WRAP53: variants seen among roughly 807,000 people sequenced by gnomAD.
WRAP53 encodes telomerase Cajal body protein 1.
In WRAP53, 28 loss-of-function variants were observed where a neutral mutation model predicts 56.6. The observed-to-expected ratio is 0.50, with a 90% confidence interval of 0.37 to 0.68. The LOEUF (loss-of-function observed/expected upper bound fraction) is 0.68. WRAP53 is among the 30% of genes least tolerant of loss of function. The pLI, the probability that WRAP53 is intolerant of heterozygous loss-of-function variation, is 0.00. For missense variants in WRAP53, 671 were observed against 715.5 expected (o/e 0.94, Z 0.71); for synonymous variants, 283 against 283.4 (o/e 1.00, Z 0.01).
chr17:7,695,942 C>G (rs12939910), intron 4 of WRAP53, among the ~76,000 whole-genome samples: 25,338 of 152,100 alleles, frequency 0.17, 2,898 homozygotes, highest in African/African-American at 0.31. Context: ...TTTGTTGACT[C>G]TGCTTATTCT....
Position 7,690,922 on chromosome 17 carries a change from A to G in WRAP53, c.642+1221A>G, listed in dbSNP as rs374043912. On this transcript the variant is annotated intron_variant, in intron 4 of 10. Coordinates refer to ENST00000396463, the MANE Select transcript of WRAP53 (RefSeq NM_001143992.2). ...GTGAGACTCCATCTCAAAAAACAAC[A>G]AAACAGACTGGGCTCAGTGGCTCAC... 4.0e-5 allele frequency among the ~76,000 whole-genome samples: 6 copies of G among 149,486 alleles called. No individual in the cohort carries two copies. The East Asian group carries it at 1.2e-3, about 30-fold the overall frequency.
intron 4 of WRAP53, among the ~76,000 whole-genome samples, chr17:7,695,542 C>T (rs532688492): frequency 5.9e-5 from 9 of 152,204 alleles, no homozygotes; most frequent in East Asian, 5.8e-4. Flanking sequence ...AGGGTGGGGA[C>T]GGGGAATGTC....
At chr17:7,691,912 C>G (rs973916891) in intron 4 of WRAP53, among the ~76,000 whole-genome samples, 3 of 151,994 alleles carry the variant, frequency 2.0e-5, no homozygotes, top group Non-Finnish European at 4.4e-5. Flanking sequence ...TCTCAGCTCA[C>G]CGCAACCTCC....
rs930535703 is a variant in WRAP53, at chr17:7,699,506, A to T, written c.643-1235A>T. Reference sequence around the variant, plus strand: ...TATATATATATATATATATATTTATATATATATATATATATTTATATATAT... The same window carrying T: ...TATATATATATATATATATATTTATTTATATATATATATATTTATATATAT... On this transcript the variant is annotated intron_variant, in intron 4 of 10. Coordinates refer to ENST00000396463, the MANE Select transcript of WRAP53 (RefSeq NM_001143992.2). Among the ~76,000 whole-genome samples, 38 of 22,894 alleles carry T rather than the reference A, an allele frequency of 1.7e-3. 2 individuals carry two copies. Among genetic ancestry groups the T allele is most frequent in the South Asian group, 3.8e-3 (3 of 786 alleles). The allele number at this position is 22,894 out of a possible 152,430, so 15.0% of individuals were successfully genotyped here.
rs780635910 is a variant in WRAP53 at position 7,688,894 on chromosome 17, G to A, written c.246G>A (p.Glu82=). Residue 82 remains glutamate (E), a synonymous_variant, in exon 2 of 11, where the codon GAG becomes GAA. Transcript: ENST00000396463. ...PVSLSTPLET[E]FGSPSELSPR... is the part of the protein sequence containing the mutation. ...CTCTCTCCACTCCCCTGGAAACAGA[G>A]TTTGGTTCCCCTAGTGAGTTGAGTC... The A allele has an allele frequency of 1.5e-5, 24 of 1,614,086 alleles. No individual in the cohort carries two copies. In the South Asian group the frequency reaches 2.5e-4, roughly 17 times the overall value.
In WRAP53 at chr17:7,689,573, C is replaced by A. The variant is rs1214271848; in HGVS notation, c.531-17C>A. 6.2e-7 allele frequency: 1 copy of A among 1,611,250 alleles called. No homozygotes were observed. Among genetic ancestry groups the A allele is most frequent in the Admixed American group, 1.7e-5 (1 of 60,012 alleles). ...AGCATAGGTCTGGCCAGCTTTCTAA[C>A]TCTCCCCTGTTTCTAGGGCTCCTGA... On this transcript the variant is annotated splice_polypyrimidine_tract_variant and intron_variant, in intron 3 of 10. Transcript: ENST00000396463.
upstream of WRAP53, chr17:7,686,481 C>G (rs1170920011): frequency 6.6e-6 from 1 of 152,100 alleles, no homozygotes; most frequent in African/African-American, 2.4e-5. Context: ...AGGTTTGCAT[C>G]AAAACAAATA....
At chr17:7,700,100 G>A in intron 4 of WRAP53, among the ~76,000 whole-genome samples, 1 of 150,924 alleles carries the variant, frequency 6.6e-6, no homozygotes, top group African/African-American at 2.4e-5. Context: ...CTAGGGTGGA[G>A]TGCAGTGGTG....
Position 7,702,483 on chromosome 17 carries a change from G to C in WRAP53, c.1095G>C (p.Gly365=), listed in dbSNP as rs776674391. 64 of 1,613,612 alleles carry C rather than the reference G, an allele frequency of 4.0e-5. No individual in the cohort carries two copies. In the South Asian group the frequency reaches 5.4e-4, roughly 14 times the overall value. ...DDGSPLALLG[G]HQGGITHLCF... ...GCTCCCCTCTCGCCTTGCTGGGAGGGCACCAAGGGGGCATCACCCACCTCT... is the reference window on the plus strand; with the variant it reads ...GCTCCCCTCTCGCCTTGCTGGGAGGCCACCAAGGGGGCATCACCCACCTCT... Residue 365 remains glycine (G), a synonymous_variant, in exon 8 of 11, where the codon GGG becomes GGC. Transcript: ENST00000396463. The surrounding 1 kb of genome is among the most constrained non-coding windows in gnomAD (Gnocchi z 5.0).
At position 7,694,992 on chromosome 17, in the gene WRAP53, C is replaced by A. The variant is rs549837471; in HGVS notation, c.642+5291C>A. On this transcript the variant is annotated intron_variant, in intron 4 of 10. Transcript: ENST00000396463. ...TTTTGAGATGGAGTCTTGCTGTGTC[C>A]CCCAGGCTGGAGTGCAGTGGCGCGA... Among the ~76,000 whole-genome samples the A allele has an allele frequency of 4.6e-3, 704 of 151,530 alleles. 4 individuals carry two copies. Among genetic ancestry groups the A allele is most frequent in the Non-Finnish European group, 7.6e-3 (513 of 67,900 alleles).
rs774374559 is a variant in WRAP53, at chr17:7,688,945, T to C, written c.297T>C (p.Ser99=). The change falls in exon 2 of 11, where the codon TCT becomes TCC. Residue 99 remains serine, a synonymous_variant. Transcript: ENST00000396463. The part of the protein sequence containing the change: ...LSPRIEEQEL[S]ENTSLPAEEA... ...CTCGAATCGAGGAGCAAGAACTTTC[T>C]GAAAATACAAGCCTTCCTGCAGAAG... 11 of 1,614,046 alleles carry C rather than the reference T, an allele frequency of 6.8e-6. No individual in the cohort carries two copies. Among genetic ancestry groups the C allele is most frequent in the African/African-American group, 1.3e-5 (1 of 74,904 alleles).
At chr17:7,698,513 C>T (rs1045584644) in intron 4 of WRAP53, among the ~76,000 whole-genome samples, 11 of 152,064 alleles carry the variant, frequency 7.2e-5, no homozygotes, top group African/African-American at 2.7e-4. Flanking sequence ...GGCTGGATTG[C>T]TTGAGGCCAG....
chr17:7,699,510 A>ATT (rs1567577600), intron 4 of WRAP53, among the ~76,000 whole-genome samples: 5 of 26,272 alleles, frequency 1.9e-4, no homozygotes, highest in South Asian at 1.1e-3. Flanking sequence ...ATTTATATAT[A>ATT]TATATATATA....
At chr17:7,688,257 C>G (rs1342528705), upstream of WRAP53, 3 of 216,302 alleles carry the variant, frequency 1.4e-5, no homozygotes, top group African/African-American at 7.0e-5. Flanking sequence ...GTAGGCGCTT[C>G]TCGCCAAGAT....
upstream of WRAP53, chr17:7,688,323 G>A (rs888460319): frequency 5.0e-6 from 2 of 400,208 alleles, no homozygotes; most frequent in African/African-American, 4.1e-5. Context: ...GGCTTGATGG[G>A]AACGGGAAAC....
intron 4 of WRAP53, among the ~76,000 whole-genome samples, chr17:7,697,005 CTATT>C (rs1225180707): frequency 2.6e-5 from 4 of 152,136 alleles, no homozygotes; most frequent in Non-Finnish European, 5.9e-5. Flanking sequence ...AGTGTCCAGA[CTATT>C]TATCTCTCAC....
intron 4 of WRAP53, among the ~76,000 whole-genome samples, chr17:7,699,476 TTATATA>T (rs1299417199): frequency 1.8e-4 from 2 of 11,400 alleles, no homozygotes; most frequent in Non-Finnish European, 2.7e-4. Flanking sequence ...ATATATATAT[TTATATA>T]TATATATATA....
At chr17:7,698,875 AAAATAAATAAATAAAT>A (rs34271914) in intron 4 of WRAP53, among the ~76,000 whole-genome samples, 41 of 147,350 alleles carry the variant, frequency 2.8e-4, no homozygotes, top group African/African-American at 8.7e-4. Context: ...GACTCCGTCA[AAAATAAATAAATAAAT>A]AAATAAATAA....
chr17:7,702,963 C>T lies in WRAP53; in HGVS notation c.1269-30C>T, dbSNP rs377754534. The T allele has an allele frequency of 3.1e-6, 5 of 1,613,268 alleles. No homozygotes were observed. The highest frequency in any genetic ancestry group is 2.7e-5 in the African/African-American group (2 of 74,906). Reference sequence around the variant, plus strand: ...GGTTCCTGCCCCAGGGGTGAGGCCTCTGCCAGCAAATCTCTCCTCTCTCTC... The same window carrying T: ...GGTTCCTGCCCCAGGGGTGAGGCCTTTGCCAGCAAATCTCTCCTCTCTCTC... On this transcript the variant is annotated intron_variant, in intron 9 of 10. Transcript: ENST00000396463. This position sits in a 1 kb window ranked among gnomAD's most constrained non-coding sequence, Gnocchi z 5.0.
Sources: gnomAD v4.1 joint callset for allele counts (sites outside exome capture counted in the v4.1 genomes callset) on GRCh38, gnomAD v4.1.1 for gene constraint, Gnocchi (gnomAD v3.1) non-coding constraint, MANE v1.5 for transcripts, NCBI Gene and HGNC (gene_info 2026-07-23, HGNC 2026-07-21) for gene names.